Variants in WIPF1 observed in about 807,000 individuals in gnomAD.
WIPF1 encodes WAS/WASL-interacting protein family member 1.
A neutral mutation model predicts 35.4 loss-of-function variants in WIPF1; 13 were observed. The observed-to-expected ratio is 0.37, with a 90% confidence interval of 0.24 to 0.58. WIPF1 has a LOEUF of 0.58. Among genes scored for constraint, WIPF1 ranks in the 20% least tolerant of loss-of-function variants. WIPF1 has a pLI of 0.74. For missense variants in WIPF1, 591 were observed against 667.0 expected (o/e 0.89, Z 1.25); for synonymous variants, 267 against 266.3 (o/e 1.00, Z -0.02).
At chr2:174,596,642 C>T (rs984100747) in intron 1 of WIPF1, among the ~76,000 whole-genome samples, 1 of 152,132 alleles carries the variant, frequency 6.6e-6, no homozygotes, top group African/African-American at 2.4e-5. Context: ...AATCCCAGCA[C>T]TTTGGGAGGC....
intron 1 of WIPF1, among the ~76,000 whole-genome samples, chr2:174,633,646 TG>T (rs541355346): frequency 4.5e-4 from 69 of 152,332 alleles, no homozygotes; most frequent in African/African-American, 1.6e-3. Context: ...TGTCCCTCAT[TG>T]GCCTCAGGAA....
At chr2:174,593,782 C>T (rs909884476) in intron 1 of WIPF1, among the ~76,000 whole-genome samples, 2 of 152,304 alleles carry the variant, frequency 1.3e-5, no homozygotes, top group East Asian at 1.9e-4. Context: ...ACCATCCCTT[C>T]CCCCCAGCAT....
chr2:174,569,003 G>A (rs16862722), intron 5 of WIPF1, among the ~76,000 whole-genome samples: 2,657 of 152,128 alleles, frequency 0.017, 65 homozygotes, highest in African/African-American at 0.061. Flanking sequence ...GGGGCTATTT[G>A]AGTAGTAAGT....
chr2:174,605,308 C>T (rs972622071), intron 1 of WIPF1, among the ~76,000 whole-genome samples: 2 of 152,004 alleles, frequency 1.3e-5, no homozygotes, highest in Admixed American at 6.6e-5. Flanking sequence ...TGGGGTGGTG[C>T]GCACCTGTAA....
intron 1 of WIPF1, among the ~76,000 whole-genome samples, chr2:174,636,760 A>G (rs1687189047): frequency 6.6e-6 from 1 of 152,194 alleles, no homozygotes. Context: ...GGGCACACAA[A>G]TGGGTGTTTT....
rs143243808 is a variant in WIPF1, at chr2:174,680,872, C to T, written c.-39+1902G>A. On this transcript the variant is annotated intron_variant, in intron 1 of 8. Coordinates refer to the WIPF1 transcript ENST00000272746. ...TTCACACCCCATTATCCTACTAGAT[C>T]CTCATACCCTGCAGTGGATGTAGAG... Among the ~76,000 whole-genome samples the T allele has an allele frequency of 4.9e-3, 742 of 152,312 alleles. 4 individuals carry two copies. Among genetic ancestry groups the T allele is most frequent in the Middle Eastern group, 0.017 (5 of 294 alleles).
Position 174,572,329 on chromosome 2 carries a change from C to G in WIPF1, c.476G>C (p.Ser159Thr), listed in dbSNP as rs1363703051. The change falls in exon 5 of 8, where the codon AGT becomes ACT. Residue 159 changes from serine to threonine, a missense_variant. Around this residue, in one of 3 missense-constraint regions of WIPF1, gnomAD observed 471 missense variants for 501.1 expected, o/e 0.94. Coordinates refer to ENST00000679041, the MANE Select transcript of WIPF1 (RefSeq NM_001375834.1). ...RFPVPSPGHR[S>T]GPPEPQRNRM... ...GTTCCTCTGAGGCTCTGGGGGACCA[C>G]TTCTGTGGCCTGGAGAAGGCACAGG... 1 of 1,614,108 alleles carries G rather than the reference C, an allele frequency of 6.2e-7. No individual in the cohort carries two copies. Among genetic ancestry groups the G allele is most frequent in the South Asian group, 1.1e-5 (1 of 91,082 alleles).
chr2:174,607,813 C>T (rs984331822), intron 1 of WIPF1, among the ~76,000 whole-genome samples: 8 of 152,234 alleles, frequency 5.3e-5, no homozygotes, highest in Non-Finnish European at 1.2e-4. Context: ...GTCTTGGTCA[C>T]TGCTGCTGCC....
At chr2:174,614,858 C>G (rs1392384607) in intron 1 of WIPF1, among the ~76,000 whole-genome samples, 1 of 152,144 alleles carries the variant, frequency 6.6e-6, no homozygotes, top group African/African-American at 2.4e-5. Context: ...CTGTTTGCAC[C>G]AATGTTGAGA....
intron 1 of WIPF1, among the ~76,000 whole-genome samples, chr2:174,595,109 A>ATATATAT (rs1553529786): frequency 5.2e-5 from 3 of 57,750 alleles, no homozygotes; most frequent in African/African-American, 2.7e-4. Context: ...AAAAAAAAAA[A>ATATATAT]ATATATATAT....
intron 1 of WIPF1, among the ~76,000 whole-genome samples, chr2:174,651,434 C>G (rs1376091828): frequency 6.6e-6 from 1 of 152,202 alleles, no homozygotes; most frequent in African/African-American, 2.4e-5. Context: ...TGAGTTACTG[C>G]TAAATGAAAA....
At chr2:174,589,330 C>T (rs540614870) in intron 1 of WIPF1, among the ~76,000 whole-genome samples, 5 of 152,356 alleles carry the variant, frequency 3.3e-5, no homozygotes, top group African/African-American at 1.2e-4. Context: ...CCAGCATCAC[C>T]CCACCGCACT....
At chr2:174,654,938 A>G (rs2105966719) in intron 1 of WIPF1, among the ~76,000 whole-genome samples, 1 of 152,366 alleles carries the variant, frequency 6.6e-6, no homozygotes, top group East Asian at 1.9e-4. Flanking sequence ...AGAGCTAAGA[A>G]GCACCTAAGA....
At chr2:174,650,442 A>G (rs1687511537) in intron 1 of WIPF1, among the ~76,000 whole-genome samples, 1 of 152,218 alleles carries the variant, frequency 6.6e-6, no homozygotes, top group Non-Finnish European at 1.5e-5. Context: ...TTCAGTCTCA[A>G]TTAACCTGTT....
At chr2:174,583,721 T>G (rs1413463371) in intron 2 of WIPF1, among the ~76,000 whole-genome samples, 1 of 152,230 alleles carries the variant, frequency 6.6e-6, no homozygotes, top group Non-Finnish European at 1.5e-5. Context: ...GTCAGTTCAC[T>G]ATAGCCCACA....
At chr2:174,657,871 T>C (rs935241408) in intron 1 of WIPF1, among the ~76,000 whole-genome samples, 4 of 145,906 alleles carry the variant, frequency 2.7e-5, no homozygotes, top group African/African-American at 5.1e-5. Flanking sequence ...GATTGTGCCA[T>C]TGCACTTCGG....
At chr2:174,657,550 C>G (rs1687669219) in intron 1 of WIPF1, among the ~76,000 whole-genome samples, 1 of 152,016 alleles carries the variant, frequency 6.6e-6, no homozygotes, top group Non-Finnish European at 1.5e-5. Context: ...ACTAGTGAAA[C>G]TGAACATGAA....
At chr2:174,592,867 A>G (rs1483398356) in intron 1 of WIPF1, among the ~76,000 whole-genome samples, 1 of 152,146 alleles carries the variant, frequency 6.6e-6, no homozygotes, top group Non-Finnish European at 1.5e-5. Flanking sequence ...CAGCCTCCCA[A>G]GATGCTATGA....
At position 174,575,471 on chromosome 2, in the gene WIPF1, C is replaced by T. The variant is rs184309569; in HGVS notation, c.182-91G>A. ...CAGTACAACAGGGAGCTGGCCGGCT[C>T]TCGGCCTCCAGTGGACAACTGGGAT... On this transcript the variant is annotated intron_variant, in intron 3 of 7. Coordinates refer to ENST00000679041, the MANE Select transcript of WIPF1 (RefSeq NM_001375834.1). The T allele has an allele frequency of 1.0e-4, 151 of 1,453,062 alleles. No homozygotes were observed. In the African/African-American group the frequency reaches 1.9e-3, roughly 19 times the overall value. 90.0% of individuals were successfully genotyped at this position (1,453,062 alleles called of 1,614,324 possible). A position where few individuals can be genotyped will look rare whatever the true frequency, so the allele number is the denominator to read the frequency against.
Sources: gnomAD v4.1 joint callset for allele counts (sites outside exome capture counted in the v4.1 genomes callset) on GRCh38, gnomAD v4.1.1 for gene constraint, gnomAD v4.1.1 regional missense constraint, MANE v1.5 for transcripts, NCBI Gene and HGNC (gene_info 2026-07-23, HGNC 2026-07-21) for gene names.